The following FBXO28 variants were observed in gnomAD, a reference collection of about 807,000 sequenced individuals.
FBXO28 encodes F-box only protein 28.
Under a neutral mutation model 38.1 loss-of-function variants are expected in FBXO28, and 8 were observed. The ratio of observed to expected loss-of-function variants is 0.21; its 90% confidence interval spans 0.12 to 0.38. The LOEUF is 0.38. Among genes scored for constraint, FBXO28 ranks in the 10% least tolerant of loss-of-function variants. The pLI, the probability that FBXO28 is intolerant of heterozygous loss-of-function variation, is 1.00. For missense variants in FBXO28, 345 were observed against 460.6 expected (o/e 0.75, Z 2.30); for synonymous variants, 168 against 173.8 (o/e 0.97, Z 0.26).
At chr1:224,146,941 C>T (rs1222671813) in intron 3 of FBXO28, among the ~76,000 whole-genome samples, 9 of 150,140 alleles carry the variant, frequency 6.0e-5, no homozygotes, top group African/African-American at 9.8e-5. Context: ...CTCCTGACCT[C>T]GTAATCCGCC....
In FBXO28 at chr1:224,141,028, C is replaced by G. The variant is rs562816920; in HGVS notation, c.516+6816C>G. Among the ~76,000 whole-genome samples, 339 of 150,364 alleles carry G rather than the reference C, an allele frequency of 2.3e-3. 3 individuals carry two copies. The highest frequency in any genetic ancestry group is 7.7e-3 in the African/African-American group (316 of 40,836). ...TGAAACCCTTTCTCTACTAAAAATG[C>G]AAAATTAGCCAAGTGTAGTGGCAAA... On this transcript the variant is annotated intron_variant, in intron 3 of 4. Coordinates refer to ENST00000366862, the MANE Select transcript of FBXO28 (RefSeq NM_015176.4).
chr1:224,143,802 C>T lies in FBXO28; in HGVS notation c.517-9340C>T, dbSNP rs1657428517. On this transcript the variant is annotated intron_variant, in intron 3 of 4. Coordinates refer to ENST00000366862, the MANE Select transcript of FBXO28 (RefSeq NM_015176.4). ...AGTGGGCTGAGATCACGCCACTGCA[C>T]TCCAGCCTGGACGACAGAGCAAGAC... Among the ~76,000 whole-genome samples the T allele has an allele frequency of 3.4e-5, 5 of 148,746 alleles. 1 individual carries two copies. In the South Asian group the frequency reaches 1.1e-3, roughly 32 times the overall value.
At chr1:224,139,745 A>AATAC (rs1210965470) in intron 3 of FBXO28, among the ~76,000 whole-genome samples, 11 of 103,876 alleles carry the variant, frequency 1.1e-4, no homozygotes, top group East Asian at 3.7e-4. Context: ...GTCTGAAATA[A>AATAC]ATACATACAT....
At chr1:224,156,519 G>T (rs950414744) in intron 4 of FBXO28, among the ~76,000 whole-genome samples, 4 of 152,064 alleles carry the variant, frequency 2.6e-5, no homozygotes, top group Non-Finnish European at 5.9e-5. Context: ...ACACTTACTG[G>T]CTGCACAATC....
At chr1:224,114,481 AG>A in intron 1 of FBXO28, 85 bp downstream of exon 1, 1 of 1,213,026 alleles carries the variant, frequency 8.2e-7, no homozygotes, top group Non-Finnish European at 1.1e-6. Flanking sequence ...CCGGGAAGGG[AG>A]CCCCCCGCGA....
At chr1:224,143,582 T>C (rs1257977675) in intron 3 of FBXO28, among the ~76,000 whole-genome samples, 1 of 152,126 alleles carries the variant, frequency 6.6e-6, no homozygotes, top group East Asian at 1.9e-4. Context: ...CCCAACACTT[T>C]GGGAGGCCGA....
Position 224,157,758 on chromosome 1 carries a change from G to T in FBXO28, c.*12G>T, listed in dbSNP as rs528442634. ...GGAATAGAAAGTAAATTGGAATGTGGTTCTAGTTCCAGAGGAAGACACAGC... is the reference window on the plus strand; with the variant it reads ...GGAATAGAAAGTAAATTGGAATGTGTTTCTAGTTCCAGAGGAAGACACAGC... On this transcript the variant is annotated 3_prime_UTR_variant, in exon 5 of 5. Coordinates refer to ENST00000366862, the MANE Select transcript of FBXO28 (RefSeq NM_015176.4). 2 of 1,583,404 alleles carry T rather than the reference G, an allele frequency of 1.3e-6. No homozygotes were observed. The highest frequency in any genetic ancestry group is 2.3e-5 in the South Asian group (2 of 85,224).
At chr1:224,118,009 A>G (rs1656684219) in intron 1 of FBXO28, among the ~76,000 whole-genome samples, 1 of 138,132 alleles carries the variant, frequency 7.2e-6, no homozygotes, top group Admixed American at 7.0e-5. Flanking sequence ...TAATTTATTT[A>G]TTTATTTATT....
chr1:224,117,875 G>A (rs1656678055), intron 1 of FBXO28, among the ~76,000 whole-genome samples: 1 of 152,088 alleles, frequency 6.6e-6, no homozygotes, highest in African/African-American at 2.4e-5. Flanking sequence ...CAGGCGTGGT[G>A]GCACACGCCT....
rs1035786502 is a variant in FBXO28 at position 224,161,193 on chromosome 1, C to T, written c.*3447C>T. The T allele has an allele frequency of 6.6e-6, 1 of 152,096 alleles. No individual in the cohort carries two copies. The highest frequency in any genetic ancestry group is 2.4e-5 in the African/African-American group (1 of 41,418). The allele number at this position is 152,096 out of a possible 1,614,324, so 9.4% of individuals were successfully genotyped here. A position where few individuals can be genotyped will look rare whatever the true frequency, so the allele number is the denominator to read the frequency against. On this transcript the variant is annotated 3_prime_UTR_variant, in exon 5 of 5. Transcript: ENST00000366862. ...TCTGTTTCCTTAGCCATAATATTTTCTAGGATCCGGGAACTCCCTATATTG... is the reference window on the plus strand; with the variant it reads ...TCTGTTTCCTTAGCCATAATATTTTTTAGGATCCGGGAACTCCCTATATTG...
rs994750440 is a variant in FBXO28 at position 224,157,946 on chromosome 1, C to T, written c.*200C>T. 1.8e-5 allele frequency: 25 copies of T among 1,394,798 alleles called. No individual in the cohort carries two copies. The African/African-American group carries it at 3.6e-4, about 20-fold the overall frequency. The allele number at this position is 1,394,798 out of a possible 1,614,324, so 86.4% of individuals were successfully genotyped here. The stretch of plus-strand genomic sequence containing the variant: ...TGATGCACAGAATCTTTTTACTTTG[C>T]AATAGATTTGTACTAACCAGACCTG... On this transcript the variant is annotated 3_prime_UTR_variant, in exon 5 of 5. Coordinates refer to ENST00000366862, the MANE Select transcript of FBXO28 (RefSeq NM_015176.4).
chr1:224,158,249 T>C lies in FBXO28; in HGVS notation c.*503T>C, dbSNP rs1657816499. 1 of 985,390 alleles carries C rather than the reference T, an allele frequency of 1.0e-6. No individual in the cohort carries two copies. Among genetic ancestry groups the C allele is most frequent in the African/African-American group, 1.7e-5 (1 of 57,220 alleles). 61.0% of individuals were successfully genotyped at this position (985,390 alleles called of 1,614,324 possible). On this transcript the variant is annotated 3_prime_UTR_variant, in exon 5 of 5. Transcript: ENST00000366862. ...GAAAAGTAGTTAATGCTTTTTGGTATTGAAGTAATGGGTAACTAAAATGGA... is the reference window on the plus strand; with the variant it reads ...GAAAAGTAGTTAATGCTTTTTGGTACTGAAGTAATGGGTAACTAAAATGGA...
chr1:224,125,030 T>C (rs1013818821), intron 1 of FBXO28, among the ~76,000 whole-genome samples: 6 of 152,226 alleles, frequency 3.9e-5, no homozygotes, highest in African/African-American at 1.4e-4. Context: ...CAGTGCTTCT[T>C]GAACATTTGA....
At chr1:224,155,884 C>A (rs1657763338) in intron 4 of FBXO28, among the ~76,000 whole-genome samples, 1 of 152,126 alleles carries the variant, frequency 6.6e-6, no homozygotes, top group African/African-American at 2.4e-5. Flanking sequence ...TATACCCAGA[C>A]TTGAAGTTAA....
intron 1 of FBXO28, among the ~76,000 whole-genome samples, chr1:224,128,593 C>T (rs1656959922): frequency 6.6e-6 from 1 of 152,184 alleles, no homozygotes; most frequent in African/African-American, 2.4e-5. Flanking sequence ...AGGTAGCTGA[C>T]TCAGGTTTTC....
intron 1 of FBXO28, among the ~76,000 whole-genome samples, chr1:224,121,838 C>T (rs1167294524): frequency 2.0e-5 from 3 of 152,074 alleles, no homozygotes; most frequent in East Asian, 1.9e-4. Context: ...TGCAGTGGCA[C>T]GATCTCGGCC....
chr1:224,138,147 G>A (rs1657240354), intron 3 of FBXO28, among the ~76,000 whole-genome samples: 1 of 151,668 alleles, frequency 6.6e-6, no homozygotes, highest in Admixed American at 6.6e-5. Flanking sequence ...AGAATCACTT[G>A]AACCTGGGAG....
At chr1:224,146,090 C>T (rs988494003) in intron 3 of FBXO28, among the ~76,000 whole-genome samples, 16 of 151,314 alleles carry the variant, frequency 1.1e-4, no homozygotes, top group East Asian at 1.9e-4. Flanking sequence ...AAAAATTATC[C>T]GGGCGTGGTG....
intron 4 of FBXO28, among the ~76,000 whole-genome samples, chr1:224,153,816 GA>G (rs1164180007): frequency 1.3e-5 from 2 of 152,016 alleles, no homozygotes; most frequent in African/African-American, 2.4e-5. Context: ...AGCTACTCTG[GA>G]GGCTGAGGCA....
Sources: gnomAD v4.1 joint callset for allele counts (sites outside exome capture counted in the v4.1 genomes callset) on GRCh38, gnomAD v4.1.1 for gene constraint, MANE v1.5 for transcripts, NCBI Gene and HGNC (gene_info 2026-07-23, HGNC 2026-07-21) for gene names.